AGRN: variants seen among roughly 807,000 people sequenced by gnomAD.
AGRN encodes the protein agrin, also known as agrin proteoglycan.
In AGRN, 106 loss-of-function variants were observed where a neutral mutation model predicts 211.0. That is an observed-to-expected ratio of 0.50 (90% CI 0.43 to 0.59). The LOEUF (loss-of-function observed/expected upper bound fraction) is 0.59, where lower values mean the gene tolerates loss of function less well. Among genes scored for constraint, AGRN ranks in the 20% least tolerant of loss-of-function variants. The probability of loss-of-function intolerance (pLI) is 0.00; values close to 1 mark genes in which losing one functional copy is unlikely to be tolerated. For missense variants in AGRN, 3,040 were observed against 2,982.6 expected (o/e 1.02, Z -0.45); for synonymous variants, 1,525 against 1,332.5 (o/e 1.14, Z -3.15).
chr1:1,041,640 G>A lies in AGRN; in HGVS notation c.1115G>A (p.Arg372Gln). The A allele has an allele frequency of 3.1e-6, 5 of 1,611,282 alleles. No individual in the cohort carries two copies. The highest frequency in any genetic ancestry group is 4.2e-6 in the Non-Finnish European group (5 of 1,179,162). Reference protein sequence around the residue: ...VTYENDCVMGRSGAARGLLLQ... With the variant: ...VTYENDCVMGQSGAARGLLLQ... ...TACGAAAACGACTGTGTCATGGGCC[G>A]ATCGGGGGCCGCCCGGGGTCTCCTC... Residue 372 changes from arginine (R) to glutamine (Q), a missense_variant, in exon 6 of 36, where the codon CGA becomes CAA. Arg to Gln is a conservative substitution (Grantham distance 43). Transcript: ENST00000379370.
At position 1,044,680 on chromosome 1, in the gene AGRN, A is replaced by G. The variant is rs184824708; in HGVS notation, c.2254+241A>G. ...GCCTCAGTGCTGAGAGGCAGCGTGA[A>G]CCATGCGGGGCCCCACCGTGTGGGC... is the stretch of plus-strand genomic sequence containing the variant. On this transcript the variant is annotated intron_variant, in intron 12 of 35. Transcript: ENST00000379370. Among the ~76,000 whole-genome samples, 35 of 152,160 alleles carry G rather than the reference A, an allele frequency of 2.3e-4. No individual in the cohort carries two copies. In the East Asian group the frequency reaches 6.4e-3, roughly 28 times the overall value.
At chr1:1,051,186 GGT>G in intron 30 of AGRN, 65 bp from the exon 31 acceptor site, 1 of 1,535,590 alleles carries the variant, frequency 6.5e-7, no homozygotes, top group Non-Finnish European at 8.8e-7. Context: ...GGTGCGTGCA[GGT>G]GCCTGGGCCC....
Position 1,041,416 on chromosome 1 carries a change from G to T in AGRN, c.952+19G>T. 1.3e-6 allele frequency: 2 copies of T among 1,543,372 alleles called. No individual in the cohort carries two copies. Among genetic ancestry groups the T allele is most frequent in the Non-Finnish European group, 1.7e-6 (2 of 1,151,176 alleles). On this transcript the variant is annotated intron_variant, in intron 5 of 35. Transcript: ENST00000379370. ...CCTTGTGGTGAGCGCGGCGGCGGGCGCACGGCTCGAGCTCTGTGGGCGCGC... is the reference window on the plus strand; with the variant it reads ...CCTTGTGGTGAGCGCGGCGGCGGGCTCACGGCTCGAGCTCTGTGGGCGCGC...
chr1:1,045,739 G>T lies in AGRN; in HGVS notation c.2543G>T (p.Ser848Ile). Reference protein sequence around the residue: ...TDGRSGCTPCSCDPQGAVRDD... With the variant: ...TDGRSGCTPCICDPQGAVRDD... ...TCCCCGATTTTCCCCAAAGCCTGCA[G>T]CTGTGATCCCCAAGGCGCCGTGCGG... Residue 848 changes from serine (S) to isoleucine (I), a missense_variant, in exon 15 of 36, where the codon AGC (serine) becomes ATC (isoleucine). Ser to Ile is a moderately radical substitution (Grantham distance 142). Coordinates refer to ENST00000379370, the MANE Select transcript of AGRN (RefSeq NM_198576.4). 3 of 1,613,392 alleles carry T rather than the reference G, an allele frequency of 1.9e-6. No individual in the cohort carries two copies. Among genetic ancestry groups the T allele is most frequent in the Non-Finnish European group, 2.5e-6 (3 of 1,179,960 alleles).
At position 1,043,454 on chromosome 1, in the gene AGRN, T is replaced by C; in HGVS notation, c.1600T>C (p.Cys534Arg). The C allele has an allele frequency of 6.2e-7, 1 of 1,605,730 alleles. No individual in the cohort carries two copies. Among genetic ancestry groups the C allele is most frequent in the Non-Finnish European group, 8.5e-7 (1 of 1,179,016 alleles). Residue 534 changes from cysteine to arginine, a missense_variant, in exon 8 of 36, where the codon TGT (cysteine) becomes CGT (arginine). This residue lies in a region of AGRN where 1,498 missense variants were observed against 1,457.8 expected (regional missense o/e 1.03). Coordinates refer to ENST00000379370, the MANE Select transcript of AGRN (RefSeq NM_198576.4). ...REIQVARKGPCDRCGQCRFGA... is the reference protein window; with the variant it reads ...REIQVARKGPRDRCGQCRFGA... The stretch of plus-strand genomic sequence containing the variant: ...GATCCAGGTGGCGCGCAAAGGACCC[T>C]GTGGTCAGTGGCGGGTGAGGGGTCT...
intron 2 of AGRN, among the ~76,000 whole-genome samples, chr1:1,022,699 A>G (rs1644436019): frequency 6.6e-6 from 1 of 152,228 alleles, no homozygotes; most frequent in Admixed American, 6.5e-5. Context: ...CCAGCCCTGC[A>G]AACAGATGGC....
chr1:1,047,361 G>A lies in AGRN; in HGVS notation c.3423G>A (p.Glu1141=). ...TGTTCCAGGGCGTCCTGGAGCTGGAGGGCGTCGAGGGCCAGGAGCTGTTCT... is the reference window on the plus strand; with the variant it reads ...TGTTCCAGGGCGTCCTGGAGCTGGAAGGCGTCGAGGGCCAGGAGCTGTTCT... ...TKVFQGVLEL[E]GVEGQELFYT... is the part of the protein sequence containing the mutation. The change falls in exon 20 of 36, where the codon GAG becomes GAA. Residue 1141 remains glutamate, a synonymous_variant. Transcript: ENST00000379370. 6.2e-7 allele frequency: 1 copy of A among 1,609,344 alleles called. No homozygotes were observed. Among genetic ancestry groups the A allele is most frequent in the South Asian group, 1.1e-5 (1 of 90,652 alleles).
chr1:1,026,705 G>C (rs1644528433), intron 2 of AGRN, among the ~76,000 whole-genome samples: 1 of 152,188 alleles, frequency 6.6e-6, no homozygotes, highest in Non-Finnish European at 1.5e-5. Context: ...AAGCCCAGCG[G>C]GGCTGGGGCT....
rs770839364 is a variant in AGRN, at chr1:1,049,810, G to A, written c.4744+15G>A. ...CGGCCGCGTCGGTGAGGGTGGGGCC[G>A]GGGCGGGTGGGAGTGGGACCCCGGG... On this transcript the variant is annotated intron_variant, in intron 26 of 35. Transcript: ENST00000379370. The A allele has an allele frequency of 3.1e-5, 49 of 1,604,844 alleles. No homozygotes were observed. The highest frequency in any genetic ancestry group is 1.5e-4 in the Admixed American group (9 of 59,022).
intron 19 of AGRN, 24 bp from the exon 20 acceptor site, chr1:1,047,303 G>A: frequency 6.3e-7 from 1 of 1,581,028 alleles, no homozygotes. Context: ...TGCCAGGCAG[G>A]GCCTCACTGT....
chr1:1,047,958 C>A, intron 22 of AGRN, 54 bp from the exon 23 acceptor site: 1 of 1,577,504 alleles, frequency 6.3e-7, no homozygotes, highest in East Asian at 2.3e-5. Flanking sequence ...CCCTGCCCCT[C>A]ACCCCTTCCT....
chr1:1,040,871 G>T lies in AGRN; in HGVS notation c.718G>T (p.Gly240Trp), dbSNP rs754282794. Residue 240 changes from glycine to tryptophan, a missense_variant, in exon 4 of 36, where the codon GGG becomes TGG. By Grantham distance (184) the Gly-to-Trp change is radical. Coordinates refer to ENST00000379370, the MANE Select transcript of AGRN (RefSeq NM_198576.4). ...GCGCCGCATCCGCCTGCTCAGCCGC[G>T]GGCCGTGCGGTGAGCGGGGCGGGGC... is the stretch of plus-strand genomic sequence containing the variant. ...QQRRIRLLSR[G>W]PCGSRDPCSN... 1.5e-5 allele frequency: 23 copies of T among 1,517,022 alleles called. No homozygotes were observed. In the South Asian group the frequency reaches 2.2e-4, roughly 14 times the overall value. 94.0% of individuals were successfully genotyped at this position (1,517,022 alleles called of 1,614,324 possible).
intron 2 of AGRN, among the ~76,000 whole-genome samples, chr1:1,024,767 AC>A (rs1644482141): frequency 6.6e-6 from 1 of 151,358 alleles, no homozygotes; most frequent in Non-Finnish European, 1.5e-5. Context: ...CCAGTCAACA[AC>A]CCTCAGAAAG....
Position 1,054,482 on chromosome 1 carries a change from G to C in AGRN, c.5911G>C (p.Glu1971Gln). The stretch of plus-strand genomic sequence containing the variant: ...GGAAGGTTCCCTGCAGGTGGGCAAT[G>C]AGGCCCCTGTGACCGGCTCCTCCCC... ...QREGSLQVGNEAPVTGSSPLG... is the reference protein window; with the variant it reads ...QREGSLQVGNQAPVTGSSPLG... Residue 1971 changes from glutamate (E) to glutamine (Q), a missense_variant, in exon 35 of 36, where the codon GAG becomes CAG. By Grantham distance (29) the Glu-to-Gln change is conservative. This residue lies in a region of AGRN where 1,537 missense variants were observed against 1,505.0 expected (regional missense o/e 1.02). Coordinates refer to ENST00000379370, the MANE Select transcript of AGRN (RefSeq NM_198576.4). 6.2e-7 allele frequency: 1 copy of C among 1,601,454 alleles called. No homozygotes were observed. The highest frequency in any genetic ancestry group is 8.5e-7 in the Non-Finnish European group (1 of 1,174,700).
intron 1 of AGRN, among the ~76,000 whole-genome samples, chr1:1,021,177 C>A (rs1644394400): frequency 6.6e-6 from 1 of 152,196 alleles, no homozygotes; most frequent in Non-Finnish European, 1.5e-5. Context: ...CTGGCCGGTG[C>A]GGGCTACAGC....
At position 1,020,277 on chromosome 1, in the gene AGRN, G is replaced by C. The variant is rs958735426; in HGVS notation, c.105G>C (p.Ala35=). Residue 35 remains alanine (A), a synonymous_variant, in exon 1 of 36, where the codon GCG becomes GCC. Coordinates refer to ENST00000379370, the MANE Select transcript of AGRN (RefSeq NM_198576.4). ...PGAGGTCPER[A]LERREEEANV... ...CCGGCGGGACATGCCCGGAGCGCGC[G>C]CTGGAGCGGCGCGAGGAGGAGGCGA... 1 of 1,469,684 alleles carries C rather than the reference G, an allele frequency of 6.8e-7. No homozygotes were observed. Among genetic ancestry groups the C allele is most frequent in the African/African-American group, 1.5e-5 (1 of 68,058 alleles). 91.0% of individuals were successfully genotyped at this position (1,469,684 alleles called of 1,614,324 possible). A position where few individuals can be genotyped will look rare whatever the true frequency, so the allele number is the denominator to read the frequency against.
Position 1,040,846 on chromosome 1 carries a change from G to C in AGRN, c.693G>C (p.Gln231His). The C allele has an allele frequency of 3.9e-6, 6 of 1,532,352 alleles. No homozygotes were observed. The highest frequency in any genetic ancestry group is 2.8e-5 in the African/African-American group (2 of 72,214). 94.9% of individuals were successfully genotyped at this position (1,532,352 alleles called of 1,614,324 possible). The change falls in exon 4 of 36, where the codon CAG (glutamine) becomes CAC (histidine). Residue 231 changes from glutamine to histidine, a missense_variant. By Grantham distance (24) the Gln-to-His change is conservative. This residue lies in a region of AGRN where 1,498 missense variants were observed against 1,457.8 expected (regional missense o/e 1.03). Transcript: ENST00000379370. ...TGCAGCGGGCGCAGTGCAGCCAGCA[G>C]CGCCGCATCCGCCTGCTCAGCCGCG... ...CELQRAQCSQQRRIRLLSRGP... is the reference protein window; with the variant it reads ...CELQRAQCSQHRRIRLLSRGP...
At position 1,048,789 on chromosome 1, in the gene AGRN, AG is replaced by A; in HGVS notation, c.4106-77del. The A allele has an allele frequency of 1.6e-6, 2 of 1,276,656 alleles. No homozygotes were observed. Among genetic ancestry groups the A allele is most frequent in the African/African-American group, 1.9e-5 (1 of 52,514 alleles). The allele number at this position is 1,276,656 out of a possible 1,614,324, so 79.1% of individuals were successfully genotyped here. On this transcript the variant is annotated intron_variant, in intron 23 of 35. Coordinates refer to ENST00000379370, the MANE Select transcript of AGRN (RefSeq NM_198576.4). The surrounding 1 kb of genome is among the most constrained non-coding windows in gnomAD (Gnocchi z 5.9). ...TCTCAAAAAAAAAAAAAAAAAAAAA[AG>A]CAGGGGGCGGTTTCAGGGATAAAAG...
At chr1:1,028,360 C>A (rs1644569089) in intron 2 of AGRN, among the ~76,000 whole-genome samples, 1 of 140,832 alleles carries the variant, frequency 7.1e-6, no homozygotes, top group African/African-American at 2.6e-5. Flanking sequence ...CTGGCGGCAC[C>A]TGTGGGCACT....
Sources: gnomAD v4.1 joint callset for allele counts (sites outside exome capture counted in the v4.1 genomes callset) on GRCh38, gnomAD v4.1.1 for gene constraint, gnomAD v4.1.1 regional missense constraint, Gnocchi (gnomAD v3.1) non-coding constraint, MANE v1.5 for transcripts, NCBI Gene and HGNC (gene_info 2026-07-23, HGNC 2026-07-21) for gene names.